ANKRD44: variants seen among roughly 807,000 people sequenced by gnomAD.
ANKRD44 encodes the protein ankyrin repeat domain 44.
In ANKRD44, 35 loss-of-function variants were observed where a neutral mutation model predicts 116.0. That is an observed-to-expected ratio of 0.30 (90% CI 0.23 to 0.40). The LOEUF is 0.40. ANKRD44 is among the 10% of genes least tolerant of loss of function. ANKRD44 has a pLI of 1.00. For missense variants in ANKRD44, 1,014 were observed against 1,242.6 expected, an observed-to-expected ratio of 0.82 and a Z score of 2.77; for synonymous variants, 435 against 461.8, an observed-to-expected ratio of 0.94 and a Z score of 0.74.
intron 9 of ANKRD44, among the ~76,000 whole-genome samples, chr2:197,108,033 A>G (rs1295695653): frequency 2.0e-5 from 3 of 152,280 alleles, no homozygotes; most frequent in African/African-American, 7.2e-5. Context: ...TATTTCAAAT[A>G]TAAGTGACTC....
chr2:197,046,183 T>C (rs2076997714), intron 16 of ANKRD44, among the ~76,000 whole-genome samples: 1 of 152,216 alleles, frequency 6.6e-6, no homozygotes, highest in African/African-American at 2.4e-5. Context: ...TTCTTGACCT[T>C]TTAGGTTGTC....
chr2:197,221,004 C>T (rs907366475), intron 1 of ANKRD44, among the ~76,000 whole-genome samples: 6 of 152,194 alleles, frequency 3.9e-5, no homozygotes, highest in Admixed American at 2.6e-4. Context: ...AATCCCAGCA[C>T]TTTGGGAGGC....
At chr2:197,167,771 G>A (rs2125526115) in intron 2 of ANKRD44, among the ~76,000 whole-genome samples, 1 of 152,318 alleles carries the variant, frequency 6.6e-6, no homozygotes, top group East Asian at 1.9e-4. Flanking sequence ...CTTGTTAACT[G>A]CATGACTGTC....
intron 10 of ANKRD44, among the ~76,000 whole-genome samples, chr2:197,092,108 C>T (rs1191862866): frequency 6.6e-6 from 1 of 152,170 alleles, no homozygotes; most frequent in African/African-American, 2.4e-5. Context: ...AATTGTGGCT[C>T]ATAATAAACA....
chr2:197,134,019 T>C (rs1432375424), intron 4 of ANKRD44: 1 of 144,210 alleles, frequency 6.9e-6, no homozygotes, highest in Non-Finnish European at 1.5e-5. Context: ...AATGGCGTGA[T>C]CTTGGCTCAC....
intron 3 of ANKRD44, 148 bp downstream of exon 3, chr2:197,146,879 C>A: frequency 1.8e-6 from 1 of 544,732 alleles, no homozygotes; most frequent in Non-Finnish European, 3.2e-6. Flanking sequence ...TTGCATTTTT[C>A]TTTGTGTAAT....
intron 2 of ANKRD44, among the ~76,000 whole-genome samples, chr2:197,173,926 G>A (rs59405902): frequency 0.29 from 43,688 of 151,988 alleles, 7,049 homozygotes; most frequent in African/African-American, 0.43. Flanking sequence ...TCAGCTACTC[G>A]GGAGGCTGAG....
intron 1 of ANKRD44, among the ~76,000 whole-genome samples, chr2:197,232,215 A>G (rs1275757861): frequency 5.9e-5 from 9 of 152,206 alleles, no homozygotes; most frequent in African/African-American, 1.9e-4. Context: ...AACTTCACGC[A>G]GACCCAAAGA....
chr2:196,981,516 C>T lies in ANKRD44; in HGVS notation c.2368+12067G>A, dbSNP rs183642632. The stretch of plus-strand genomic sequence containing the variant: ...CCAGGCTGGGCGTGGTGGCCCACAC[C>T]TATAATCCCAGCAGTGTGGGAGGCT... On this transcript the variant is annotated intron_variant, in intron 21 of 21. Coordinates refer to the ANKRD44 transcript ENST00000424317. Among the ~76,000 whole-genome samples, 270 of 152,270 alleles carry T rather than the reference C, an allele frequency of 1.8e-3. 1 individual carries two copies. The highest frequency in any genetic ancestry group is 6.4e-3 in the African/African-American group (264 of 41,552).
chr2:197,076,849 G>A (rs762766759), intron 16 of ANKRD44, among the ~76,000 whole-genome samples: 1 of 152,078 alleles, frequency 6.6e-6, no homozygotes, highest in African/African-American at 2.4e-5. Flanking sequence ...TCTTTTTTAT[G>A]GCTGCATAGT....
intron 16 of ANKRD44, among the ~76,000 whole-genome samples, chr2:197,071,365 G>A (rs563086824): frequency 6.6e-6 from 1 of 152,240 alleles, no homozygotes; most frequent in Non-Finnish European, 1.5e-5. Context: ...TAATTTAGCT[G>A]AGTCCCCAAA....
At chr2:197,142,944 A>C (rs558403136) in intron 3 of ANKRD44, among the ~76,000 whole-genome samples, 2 of 151,968 alleles carry the variant, frequency 1.3e-5, no homozygotes, top group South Asian at 4.2e-4. Context: ...GTTCGAGACC[A>C]GCCTGATCAA....
intron 10 of ANKRD44, among the ~76,000 whole-genome samples, chr2:197,098,385 C>T (rs748824767): frequency 2.0e-5 from 3 of 152,216 alleles, no homozygotes; most frequent in Admixed American, 6.5e-5. Flanking sequence ...GATCCCACTG[C>T]GTCTTCCCCA....
intron 1 of ANKRD44, among the ~76,000 whole-genome samples, chr2:197,190,770 C>T (rs1036029108): frequency 2.0e-5 from 3 of 152,180 alleles, no homozygotes; most frequent in African/African-American, 7.2e-5. Context: ...ATTAATTTGG[C>T]AACCATCATA....
intron 27 of ANKRD44, 105 bp from the exon 28 acceptor site, chr2:196,989,754 C>T: frequency 6.6e-7 from 1 of 1,511,764 alleles, no homozygotes. Flanking sequence ...TTTCTGCTTT[C>T]ACTTTTTTTG....
At chr2:196,968,657 C>A (rs76761050) in intron 21 of ANKRD44, among the ~76,000 whole-genome samples, 1,799 of 152,248 alleles carry the variant, frequency 0.012, 17 homozygotes, top group Admixed American at 0.025. Flanking sequence ...CTGAACATAC[C>A]TCATTTATCT....
downstream of ANKRD44, among the ~76,000 whole-genome samples, chr2:196,982,349 T>C (rs2075808096): frequency 6.6e-6 from 1 of 151,998 alleles, no homozygotes. Context: ...GAGCTCTGAT[T>C]GGCAGGTGGC....
In ANKRD44 at chr2:196,995,412, C is replaced by G. The variant is rs931191482; in HGVS notation, c.2798G>C (p.Ser933Thr). The stretch of plus-strand genomic sequence containing the variant: ...TGCATTATTTTTTTCATTAATAAGG[C>G]TCTCGTCTTGTATCTTGTCAAGTAT... The part of the protein sequence containing the change: ...LLILDKIQDE[S>T]LINEKNNALQ... The change falls in exon 26 of 28, where the codon AGC becomes ACC. Residue 933 changes from serine (S) to threonine (T), a missense_variant. Ser to Thr is a moderately conservative substitution (Grantham distance 58, BLOSUM62 1). Transcript: ENST00000282272. 2.2e-5 allele frequency: 36 copies of G among 1,612,220 alleles called. 1 individual carries two copies. Among genetic ancestry groups the G allele is most frequent in the Admixed American group, 5.0e-5 (3 of 59,840 alleles).
At chr2:197,272,516 G>A (rs1040768441) in intron 1 of ANKRD44, among the ~76,000 whole-genome samples, 1 of 152,202 alleles carries the variant, frequency 6.6e-6, no homozygotes, top group Admixed American at 6.5e-5. Context: ...GATTACAGGC[G>A]TGAGCCAATG....
Sources: gnomAD v4.1 joint callset for allele counts (sites outside exome capture counted in the v4.1 genomes callset) on GRCh38, gnomAD v4.1.1 for gene constraint, MANE v1.5 for transcripts, NCBI Gene and HGNC (gene_info 2026-07-23, HGNC 2026-07-21) for gene names.